Variants in PDE11A observed in about 807,000 individuals in gnomAD.
The protein encoded by PDE11A is phosphodiesterase 11A.
In PDE11A, 100 loss-of-function variants were observed where a neutral mutation model predicts 100.5. The observed-to-expected ratio is 1.00, with a 90% CI of 0.85 to 1.18. The LOEUF (loss-of-function observed/expected upper bound fraction) is 1.18. Among genes scored for constraint, PDE11A ranks in the 50% most tolerant of loss-of-function variants. PDE11A has a pLI of 0.00. For missense variants in PDE11A, 1,141 were observed against 1,152.6 expected, an observed-to-expected ratio of 0.99 and a Z score of 0.15; for synonymous variants, 381 against 420.8, an observed-to-expected ratio of 0.91 and a Z score of 1.16.
intron 2 of PDE11A, among the ~76,000 whole-genome samples, chr2:178,080,971 A>C (rs1312770546): frequency 2.0e-5 from 3 of 152,174 alleles, no homozygotes; most frequent in Admixed American, 2.0e-4. Flanking sequence ...ATAATGTTTT[A>C]ATGTCAGAAT....
chr2:177,958,883 T>C lies in PDE11A; in HGVS notation c.1072-53696A>G, dbSNP rs543271665. 5.9e-5 allele frequency among the ~76,000 whole-genome samples: 9 copies of C among 152,300 alleles called. 1 individual carries two copies. The East Asian group carries it at 1.5e-3, about 26-fold the overall frequency. ...GGAGAAAAAATACTGAATTAATAGA[T>C]TGACTAATTGAACAAAATTTATTGA... On this transcript the variant is annotated intron_variant, in intron 2 of 19. Coordinates refer to ENST00000286063, the MANE Select transcript of PDE11A (RefSeq NM_016953.4).
chr2:177,929,919 A>G (rs979476011), intron 2 of PDE11A, among the ~76,000 whole-genome samples: 1 of 152,226 alleles, frequency 6.6e-6, no homozygotes, highest in Non-Finnish European at 1.5e-5. Context: ...TTAACAAACC[A>G]GAGTTCCAGG....
intron 5 of PDE11A, among the ~76,000 whole-genome samples, chr2:177,851,133 A>G (rs1574214080): frequency 6.6e-6 from 1 of 152,158 alleles, no homozygotes; most frequent in Admixed American, 6.5e-5. Flanking sequence ...CTTGGAACCA[A>G]CCCAAATGTC....
intron 10 of PDE11A, among the ~76,000 whole-genome samples, chr2:177,769,071 T>TC (rs1170738713): frequency 6.6e-6 from 1 of 152,198 alleles, no homozygotes; most frequent in Non-Finnish European, 1.5e-5. Flanking sequence ...GACTTTTTTT[T>TC]CCCTGATATC....
intron 2 of PDE11A, among the ~76,000 whole-genome samples, chr2:177,936,467 T>C (rs944937939): frequency 6.6e-6 from 1 of 152,150 alleles, no homozygotes; most frequent in Admixed American, 6.5e-5. Context: ...AAGCAAAGCG[T>C]TTCACTTATC....
At chr2:177,706,351 G>T (rs1055961207) in intron 13 of PDE11A, among the ~76,000 whole-genome samples, 1 of 152,056 alleles carries the variant, frequency 6.6e-6, no homozygotes, top group Non-Finnish European at 1.5e-5. Flanking sequence ...ACTAGAATTC[G>T]ACTGGGAGCA....
At chr2:177,679,817 G>C (rs1166690751) in intron 16 of PDE11A, among the ~76,000 whole-genome samples, 2 of 152,058 alleles carry the variant, frequency 1.3e-5, no homozygotes, top group Admixed American at 6.6e-5. Context: ...ATGATTGATA[G>C]AGCCAGGTTG....
At chr2:177,842,588 G>C (rs995423915) in intron 5 of PDE11A, among the ~76,000 whole-genome samples, 1 of 152,174 alleles carries the variant, frequency 6.6e-6, no homozygotes, top group Non-Finnish European at 1.5e-5. Flanking sequence ...TTTAAGATGT[G>C]ATTTTAGAAA....
At chr2:178,037,921 T>C (rs6726809) in intron 1 of PDE11A, among the ~76,000 whole-genome samples, 76,985 of 151,306 alleles carry the variant, frequency 0.51, 20,211 homozygotes, top group East Asian at 0.71. Context: ...ATCTAATGCA[T>C]GGGGGGCTTA....
chr2:177,732,198 A>G (rs2081702273), intron 10 of PDE11A, among the ~76,000 whole-genome samples: 1 of 152,060 alleles, frequency 6.6e-6, no homozygotes, highest in Non-Finnish European at 1.5e-5. Context: ...CAGTGAACTC[A>G]CTTATTAGGC....
intron 9 of PDE11A, among the ~76,000 whole-genome samples, chr2:177,771,950 C>T (rs2082316755): frequency 1.3e-5 from 2 of 151,656 alleles, no homozygotes; most frequent in Admixed American, 6.6e-5. Context: ...TGCAGTGAGC[C>T]GAGATCGTGC....
intron 5 of PDE11A, among the ~76,000 whole-genome samples, chr2:177,868,745 C>A (rs2084073557): frequency 6.6e-6 from 1 of 152,166 alleles, no homozygotes; most frequent in East Asian, 1.9e-4. Flanking sequence ...CTGACACTCT[C>A]TTGTAAGTTT....
chr2:177,652,770 C>A (rs2080329578), intron 19 of PDE11A, among the ~76,000 whole-genome samples: 1 of 152,176 alleles, frequency 6.6e-6, no homozygotes, highest in Admixed American at 6.5e-5. Context: ...GGCATTTTGG[C>A]CTTGTTTTAC....
At chr2:178,034,522 G>T (rs1409003726) in intron 1 of PDE11A, among the ~76,000 whole-genome samples, 4 of 152,152 alleles carry the variant, frequency 2.6e-5, no homozygotes. Context: ...GGACCAAGTG[G>T]ACCTAATAGA....
intron 19 of PDE11A, among the ~76,000 whole-genome samples, chr2:177,651,023 A>G (rs890601681): frequency 1.3e-5 from 2 of 152,202 alleles, no homozygotes; most frequent in African/African-American, 4.8e-5. Context: ...GTCACTTACT[A>G]TATATTCTTA....
In PDE11A at chr2:177,879,053, C is replaced by T. The variant is rs1476243988; in HGVS notation, c.1303-3130G>A. 3.3e-5 allele frequency among the ~76,000 whole-genome samples: 5 copies of T among 152,196 alleles called. No individual in the cohort carries two copies. The East Asian group carries it at 9.6e-4, about 29-fold the overall frequency. Reference sequence around the variant, plus strand: ...CTGATCTGATAAATGAGATTAAATTCTCCAATATTAATAAGAATGCTTCAT... The same window carrying T: ...CTGATCTGATAAATGAGATTAAATTTTCCAATATTAATAAGAATGCTTCAT... On this transcript the variant is annotated intron_variant, in intron 4 of 19. Coordinates refer to ENST00000286063, the MANE Select transcript of PDE11A (RefSeq NM_016953.4).
chr2:178,097,395 C>G (rs974343330), intron 2 of PDE11A, among the ~76,000 whole-genome samples: 5 of 152,122 alleles, frequency 3.3e-5, no homozygotes, highest in Admixed American at 1.3e-4. Flanking sequence ...AAGCAAGGTA[C>G]CTTCTTCACA....
At chr2:178,054,310 A>C (rs989645190) in intron 1 of PDE11A, among the ~76,000 whole-genome samples, 2 of 152,234 alleles carry the variant, frequency 1.3e-5, no homozygotes, top group African/African-American at 4.8e-5. Context: ...GAAAGCTGAA[A>C]TTGGATCCCT....
intron 19 of PDE11A, among the ~76,000 whole-genome samples, chr2:177,634,696 C>G (rs1360849737): frequency 6.6e-6 from 1 of 152,134 alleles, no homozygotes; most frequent in African/African-American, 2.4e-5. Flanking sequence ...CCGACTTATT[C>G]TTACACTCTT....
Sources: allele counts gnomAD v4.1 joint callset (sites outside exome capture counted in the v4.1 genomes callset), GRCh38; gene constraint gnomAD v4.1.1; transcripts MANE v1.5; gene names NCBI Gene and HGNC (gene_info 2026-07-23, HGNC 2026-07-21).